HDGFL3: variants seen among roughly 807,000 people sequenced by gnomAD.
HDGFL3 encodes the protein hepatoma-derived growth factor-related protein 3.
In HDGFL3, 6 loss-of-function variants were observed where a neutral mutation model predicts 27.6. The ratio of observed to expected loss-of-function variants is 0.22; its 90% confidence interval spans 0.12 to 0.43. The LOEUF (loss-of-function observed/expected upper bound fraction) is 0.43. Among genes scored for constraint, HDGFL3 ranks in the 20% least tolerant of loss-of-function variants. The pLI is 1.00. For synonymous variants in HDGFL3, 88 were observed against 88.9 expected, an observed-to-expected ratio of 0.99 and a Z score of 0.05; for missense variants, 207 against 250.1, an observed-to-expected ratio of 0.83 and a Z score of 1.16.
intron 1 of HDGFL3, among the ~76,000 whole-genome samples, chr15:83,194,263 A>ATCAT (rs2037544772): frequency 6.6e-6 from 1 of 152,196 alleles, no homozygotes; most frequent in African/African-American, 2.4e-5. Context: ...GACATACATG[A>ATCAT]GCCTCAAGGA....
chr15:83,205,953 C>G (rs2037710557), intron 1 of HDGFL3, among the ~76,000 whole-genome samples: 1 of 152,080 alleles, frequency 6.6e-6, no homozygotes, highest in Non-Finnish European at 1.5e-5. Flanking sequence ...ACTGTTTTTT[C>G]CTCTTGATAT....
intron 1 of HDGFL3, among the ~76,000 whole-genome samples, chr15:83,201,122 C>T (rs114897481): frequency 6.6e-6 from 1 of 151,926 alleles, no homozygotes; most frequent in Non-Finnish European, 1.5e-5. Context: ...GTATTAGGAC[C>T]ACTATTGACC....
chr15:83,139,737 T>C (rs1264987807), intron 5 of HDGFL3, among the ~76,000 whole-genome samples: 1 of 152,172 alleles, frequency 6.6e-6, no homozygotes, highest in African/African-American at 2.4e-5. Flanking sequence ...TTGTGACACA[T>C]AGCTCAAACA....
rs2036233164 is a variant in HDGFL3 at position 83,131,340 on chromosome 15, TTGA to T, written c.*7927_*7929del. The T allele has an allele frequency of 1.3e-5, 2 of 151,836 alleles. No homozygotes were observed. Among genetic ancestry groups the T allele is most frequent in the Admixed American group, 1.3e-4 (2 of 15,232 alleles). The allele number at this position is 151,836 out of a possible 1,614,324, so 9.4% of individuals were successfully genotyped here. ...TCAGTATAGGCCAATGGAAGAAATA[TTGA>T]GTAGTGGCCAGGCGCAGTGGCTCAC... On this transcript the variant is annotated 3_prime_UTR_variant, in exon 6 of 6. Coordinates refer to ENST00000299633, the MANE Select transcript of HDGFL3 (RefSeq NM_016073.4).
In HDGFL3 at chr15:83,131,010, G is replaced by C. The variant is rs1303491080; in HGVS notation, c.*8260C>G. On this transcript the variant is annotated 3_prime_UTR_variant, in exon 6 of 6. Transcript: ENST00000299633. Reference sequence around the variant, plus strand: ...GAAGGCTGAGGTGGGAGGATCACTTGAACCAGGAGGCAGAGGTTGCAGTGA... The same window carrying C: ...GAAGGCTGAGGTGGGAGGATCACTTCAACCAGGAGGCAGAGGTTGCAGTGA... The C allele has an allele frequency of 6.6e-6, 1 of 152,218 alleles. No individual in the cohort carries two copies. Among genetic ancestry groups the C allele is most frequent in the Non-Finnish European group, 1.5e-5 (1 of 68,118 alleles). The allele number at this position is 152,218 out of a possible 1,614,324, so 9.4% of individuals were successfully genotyped here.
Position 83,207,234 on chromosome 15 carries a change from G to T in HDGFL3, c.84+97C>A. 1.2e-6 allele frequency: 1 copy of T among 842,750 alleles called. No individual in the cohort carries two copies. The highest frequency in any genetic ancestry group is 1.6e-6 in the Non-Finnish European group (1 of 622,160). 52.2% of individuals were successfully genotyped at this position (842,750 alleles called of 1,614,324 possible). A position where few individuals can be genotyped will look rare whatever the true frequency, so the allele number is the denominator to read the frequency against. Reference sequence around the variant, plus strand: ...CTCACCACAGCCGGCCGCGAGCTGCGGGCTCGGGGCTGAGGCGATGGGGAA... The same window carrying T: ...CTCACCACAGCCGGCCGCGAGCTGCTGGCTCGGGGCTGAGGCGATGGGGAA... On this transcript the variant is annotated intron_variant, in intron 1 of 5. Coordinates refer to ENST00000299633, the MANE Select transcript of HDGFL3 (RefSeq NM_016073.4). The surrounding 1 kb of genome is among the most constrained non-coding windows in gnomAD (Gnocchi z 4.8).
At chr15:83,191,551 A>AT (rs1457502344) in intron 1 of HDGFL3, among the ~76,000 whole-genome samples, 1 of 152,150 alleles carries the variant, frequency 6.6e-6, no homozygotes, top group Non-Finnish European at 1.5e-5. Context: ...GTTTGTCCCA[A>AT]TTTTTTATTG....
chr15:83,182,605 C>T (rs796117905), intron 1 of HDGFL3, among the ~76,000 whole-genome samples: 3 of 151,984 alleles, frequency 2.0e-5, no homozygotes, highest in African/African-American at 7.2e-5. Context: ...AAAAGCAAAT[C>T]TATGGTGAAA....
chr15:83,190,988 T>A (rs1282192773), intron 1 of HDGFL3, among the ~76,000 whole-genome samples: 1 of 152,230 alleles, frequency 6.6e-6, no homozygotes, highest in Non-Finnish European at 1.5e-5. Flanking sequence ...ATATTTAACC[T>A]ATATGGATAA....
rs564306913 is a variant in HDGFL3 at position 83,207,682 on chromosome 15, C to CCCGCCGCCG, written c.-277_-269dup. The CCCGCCGCCG allele has an allele frequency of 8.6e-3, 1,313 of 152,162 alleles. 18 individuals carry two copies. Among genetic ancestry groups the CCCGCCGCCG allele is most frequent in the African/African-American group, 0.029 (1,173 of 40,280 alleles). The allele number at this position is 152,162 out of a possible 1,614,324, so 9.4% of individuals were successfully genotyped here. On this transcript the variant is annotated 5_prime_UTR_variant, in exon 1 of 6. Coordinates refer to ENST00000299633, the MANE Select transcript of HDGFL3 (RefSeq NM_016073.4). This position sits in a 1 kb window ranked among gnomAD's most constrained non-coding sequence, Gnocchi z 4.8. ...GCCCGCGTCCGGCCGCGCCAAGGTC[C>CCCGCCGCCG]CCGCCGCCGCCGCCGCCGCCGCCGC... is the stretch of plus-strand genomic sequence containing the variant.
intron 1 of HDGFL3, among the ~76,000 whole-genome samples, chr15:83,173,591 A>G (rs905033101): frequency 2.0e-5 from 3 of 152,100 alleles, no homozygotes; most frequent in South Asian, 2.1e-4. Context: ...GCGATTTTTT[A>G]TGTTTCTCTA....
chr15:83,145,896 CCTTTTT>C (rs2036882823), intron 5 of HDGFL3, among the ~76,000 whole-genome samples: 2 of 99,030 alleles, frequency 2.0e-5, no homozygotes, highest in East Asian at 2.9e-4. Flanking sequence ...CTTTCTTCTT[CCTTTTT>C]TTTTTTTTTT....
chr15:83,126,950 T>A, downstream of HDGFL3: 1 of 869,840 alleles, frequency 1.1e-6, no homozygotes, highest in Non-Finnish European at 1.8e-6. Flanking sequence ...CCCAGCACTT[T>A]GGGAGGCCGA....
intron 1 of HDGFL3, among the ~76,000 whole-genome samples, chr15:83,175,844 A>G (rs1022053361): frequency 6.6e-6 from 1 of 152,236 alleles, no homozygotes; most frequent in Non-Finnish European, 1.5e-5. Context: ...TGGGCGACAG[A>G]GCGAGACTTC....
chr15:83,147,158 G>A (rs1211049176), intron 5 of HDGFL3, among the ~76,000 whole-genome samples: 1 of 152,114 alleles, frequency 6.6e-6, no homozygotes, highest in East Asian at 1.9e-4. Flanking sequence ...CACCTCCCGG[G>A]TTCAAGTGAC....
chr15:83,160,489 C>T (rs1302204976), intron 2 of HDGFL3, among the ~76,000 whole-genome samples: 2 of 149,704 alleles, frequency 1.3e-5, no homozygotes, highest in Non-Finnish European at 3.0e-5. Flanking sequence ...CTGGCCATCT[C>T]CAAGGTTTTG....
intron 5 of HDGFL3, 48 bp from the exon 6 acceptor site, chr15:83,139,323 G>A (rs1205996107): frequency 8.0e-7 from 1 of 1,252,454 alleles, no homozygotes; most frequent in Non-Finnish European, 1.1e-6. Flanking sequence ...GATGATTTAG[G>A]ATACTAACAA....
chr15:83,181,477 G>C (rs1414747756), intron 1 of HDGFL3, among the ~76,000 whole-genome samples: 1 of 152,068 alleles, frequency 6.6e-6, no homozygotes, highest in African/African-American at 2.4e-5. Context: ...TTCAATTCTT[G>C]TAGTCACTTT....
At chr15:83,180,212 G>A (rs1281115700) in intron 1 of HDGFL3, among the ~76,000 whole-genome samples, 1 of 152,140 alleles carries the variant, frequency 6.6e-6, no homozygotes, top group Non-Finnish European at 1.5e-5. Flanking sequence ...CCCTGCTGTG[G>A]TGGGGAATAG....
Sources: allele counts gnomAD v4.1 joint callset (sites outside exome capture counted in the v4.1 genomes callset), GRCh38; gene constraint gnomAD v4.1.1; non-coding constraint Gnocchi (gnomAD v3.1); transcripts MANE v1.5; gene names NCBI Gene and HGNC (gene_info 2026-07-23, HGNC 2026-07-21).